The following DNAH9 variants were observed in gnomAD, a reference collection of about 807,000 sequenced individuals.
DNAH9 encodes the protein dynein axonemal heavy chain 9.
DNAH9 carries 345 observed loss-of-function variants against 471.6 expected under a neutral mutation model. The observed-to-expected ratio is 0.73, with a 90% CI of 0.67 to 0.80. The LOEUF (loss-of-function observed/expected upper bound fraction) is 0.80, where lower values mean the gene tolerates loss of function less well. Among genes scored for constraint, DNAH9 ranks in the 30% least tolerant of loss-of-function variants. The pLI is 0.00. For missense variants in DNAH9, 5,407 were observed against 5,609.2 expected, an observed-to-expected ratio of 0.96 and a Z score of 1.15; for synonymous variants, 2,093 against 2,123.6, an observed-to-expected ratio of 0.99 and a Z score of 0.40.
At chr17:11,778,363 GAA>G (rs1968538751) in intron 38 of DNAH9, among the ~76,000 whole-genome samples, 1 of 71,752 alleles carries the variant, frequency 1.4e-5, no homozygotes, top group African/African-American at 4.6e-5. Context: ...AAAAAAAAAA[GAA>G]AAGGGAAGAA....
chr17:11,603,042 T>G (rs1256599746), intron 1 of DNAH9, among the ~76,000 whole-genome samples: 1 of 152,196 alleles, frequency 6.6e-6, no homozygotes, highest in South Asian at 2.1e-4. Flanking sequence ...GCTCCTGATG[T>G]ACTGGCCTCT....
chr17:11,683,564 G>C (rs1480101902), intron 19 of DNAH9, among the ~76,000 whole-genome samples: 1 of 152,230 alleles, frequency 6.6e-6, no homozygotes, highest in Non-Finnish European at 1.5e-5. Flanking sequence ...CTGCTTGAAA[G>C]GGAAACAACA....
At chr17:11,810,998 T>C (rs1969878583) in intron 45 of DNAH9, among the ~76,000 whole-genome samples, 1 of 152,186 alleles carries the variant, frequency 6.6e-6, no homozygotes, top group South Asian at 2.1e-4. Flanking sequence ...TGTCCTTCTT[T>C]ATTTAGGAAT....
chr17:11,709,658 T>C (rs2074797240), intron 26 of DNAH9, among the ~76,000 whole-genome samples: 1 of 152,200 alleles, frequency 6.6e-6, no homozygotes, highest in Non-Finnish European at 1.5e-5. Context: ...TCAGTCCTTG[T>C]CACAGGATTT....
chr17:11,910,988 G>T (rs750587141), intron 61 of DNAH9, among the ~76,000 whole-genome samples: 3 of 151,906 alleles, frequency 2.0e-5, no homozygotes, highest in Non-Finnish European at 4.4e-5. Context: ...CTCATTCTTT[G>T]GGTTTTCTAG....
chr17:11,615,693 C>T (rs2150648701), intron 4 of DNAH9, among the ~76,000 whole-genome samples: 1 of 152,220 alleles, frequency 6.6e-6, no homozygotes, highest in East Asian at 1.9e-4. Context: ...CAACCCTTTT[C>T]TCAAGTATTG....
chr17:11,929,149 C>T (rs12150656), intron 62 of DNAH9, among the ~76,000 whole-genome samples: 3 of 151,316 alleles, frequency 2.0e-5, no homozygotes, highest in African/African-American at 7.3e-5. Flanking sequence ...ATTCTCCTCC[C>T]TCAGCCTCCT....
rs1260300708 is a variant in DNAH9 at position 11,719,476 on chromosome 17, CA to C, written c.5696del (p.Gln1899ArgfsTer41). 1 of 1,612,696 alleles carries C rather than the reference CA, an allele frequency of 6.2e-7. No individual in the cohort carries two copies. The highest frequency in any genetic ancestry group is 8.5e-7 in the Non-Finnish European group (1 of 1,179,608). ...ILVYVFNCSE[Q>X]MDYKSCGNIY... ...GGTCTATGTGTTCAACTGCTCGGAGCAGATGGATTACAAGGTACAGTTCCAC... is the reference window on the plus strand; with the variant it reads ...GGTCTATGTGTTCAACTGCTCGGAGCGATGGATTACAAGGTACAGTTCCAC... On this transcript the variant is annotated frameshift_variant, in exon 27 of 69. Coordinates refer to ENST00000262442, the MANE Select transcript of DNAH9 (RefSeq NM_001372.4). LOFTEE classifies it high-confidence loss of function.
rs1567724383 is a variant in DNAH9, at chr17:11,694,605, T to TTG, written c.4872+158_4872+159insTG. Among the ~76,000 whole-genome samples the TTG allele has an allele frequency of 1.2e-3, 16 of 13,894 alleles. 1 individual carries two copies. The highest frequency in any genetic ancestry group is 0.045 in the Middle Eastern group (1 of 22). 9.1% of individuals were successfully genotyped at this position (13,894 alleles called of 152,430 possible). A position where few individuals can be genotyped will look rare whatever the true frequency, so the allele number is the denominator to read the frequency against. On this transcript the variant is annotated intron_variant, in intron 22 of 68. Coordinates refer to ENST00000262442, the MANE Select transcript of DNAH9 (RefSeq NM_001372.4). ...AGCATCATCACATACCTCGGAGCTT[T>TTG]CTTGCTTTCTTGCTTTCTTGCTTTC...
intron 67 of DNAH9, among the ~76,000 whole-genome samples, chr17:11,949,911 A>T (rs1319881607): frequency 6.6e-6 from 1 of 152,226 alleles, no homozygotes; most frequent in East Asian, 1.9e-4. Flanking sequence ...TAGTATGTGT[A>T]AAATTATTGT....
intron 50 of DNAH9, among the ~76,000 whole-genome samples, chr17:11,866,718 G>T (rs958966277): frequency 2.7e-4 from 41 of 152,386 alleles, no homozygotes; most frequent in Non-Finnish European, 3.8e-4. Context: ...GCAAGCCTGG[G>T]CAATGGCGGG....
chr17:11,866,852 C>T (rs1567860494), intron 50 of DNAH9, among the ~76,000 whole-genome samples: 1 of 152,244 alleles, frequency 6.6e-6, no homozygotes, highest in Non-Finnish European at 1.5e-5. Context: ...TCCTGGTGCA[C>T]TGTTTTTTAA....
chr17:11,929,693 C>T (rs923693933), intron 62 of DNAH9, among the ~76,000 whole-genome samples, 173 bp from the exon 63 acceptor site: 1 of 152,146 alleles, frequency 6.6e-6, no homozygotes, highest in Non-Finnish European at 1.5e-5. Context: ...CATTAACTGT[C>T]CACTTAAAAA....
chr17:11,746,527 C>G (rs1168407767), intron 31 of DNAH9, among the ~76,000 whole-genome samples: 1 of 152,160 alleles, frequency 6.6e-6, no homozygotes, highest in African/African-American at 2.4e-5. Context: ...ATAAAACCAT[C>G]AGATCTCGTG....
intron 4 of DNAH9, among the ~76,000 whole-genome samples, chr17:11,613,372 AG>A (rs1389769513): frequency 6.6e-6 from 1 of 152,220 alleles, no homozygotes; most frequent in African/African-American, 2.4e-5. Context: ...CTGTGATCCC[AG>A]CACTTTGGGA....
At chr17:11,605,491 G>A (rs1257705186) in intron 1 of DNAH9, among the ~76,000 whole-genome samples, 1 of 151,692 alleles carries the variant, frequency 6.6e-6, no homozygotes, top group Non-Finnish European at 1.5e-5. Flanking sequence ...TGTTGTTGTT[G>A]TTGTTGTTGT....
chr17:11,693,151 G>A (rs1422311727), intron 20 of DNAH9, among the ~76,000 whole-genome samples: 1 of 144,388 alleles, frequency 6.9e-6, no homozygotes, highest in Non-Finnish European at 1.5e-5. Context: ...CTGACCTTGT[G>A]ATCCACCCGC....
At chr17:11,958,949 C>T (rs185574281) in intron 67 of DNAH9, among the ~76,000 whole-genome samples, 49 of 151,908 alleles carry the variant, frequency 3.2e-4, no homozygotes, top group Admixed American at 2.9e-3. Context: ...TGCGGTAATC[C>T]TAGGAATACA....
intron 44 of DNAH9, among the ~76,000 whole-genome samples, chr17:11,808,703 C>T (rs924034340): frequency 6.6e-6 from 1 of 152,178 alleles, no homozygotes; most frequent in African/African-American, 2.4e-5. Context: ...TACACATTTA[C>T]AGAATGAGCT....
Sources: gnomAD v4.1 joint callset for allele counts (sites outside exome capture counted in the v4.1 genomes callset) on GRCh38, gnomAD v4.1.1 for gene constraint, MANE v1.5 for transcripts, NCBI Gene and HGNC (gene_info 2026-07-23, HGNC 2026-07-21) for gene names.